CAPN5: variants seen among roughly 807,000 people sequenced by gnomAD.
CAPN5 encodes the protein calpain 5, also known as calpain-5.
Under a neutral mutation model 73.0 loss-of-function variants are expected in CAPN5, and 54 were observed. That is an observed-to-expected ratio of 0.74 (90% CI 0.59 to 0.93). CAPN5 has a LOEUF of 0.93. Among genes scored for constraint, CAPN5 ranks in the 40% least tolerant of loss-of-function variants. The pLI is 0.00. For synonymous variants in CAPN5, 335 were observed against 356.9 expected (o/e 0.94, Z 0.69); for missense variants, 785 against 882.9 (o/e 0.89, Z 1.41).
chr11:77,097,925 C>T (rs1290070118), intron 3 of CAPN5, among the ~76,000 whole-genome samples: 2 of 78,060 alleles, frequency 2.6e-5, no homozygotes, highest in Non-Finnish European at 4.7e-5. Flanking sequence ...CCACCTTTCC[C>T]GCCTTTCTAT....
chr11:77,073,070 G>T (rs547099432), intron 1 of CAPN5: 4 of 1,289,490 alleles, frequency 3.1e-6, no homozygotes, highest in Non-Finnish European at 3.0e-6. Flanking sequence ...GCACAGGGAC[G>T]CCCAGCTGTA....
intron 1 of CAPN5, among the ~76,000 whole-genome samples, chr11:77,078,230 C>T (rs1949993355): frequency 6.6e-6 from 1 of 152,160 alleles, no homozygotes; most frequent in Admixed American, 6.5e-5. Flanking sequence ...CCGTTTGAGT[C>T]AATGTTTGCA....
At chr11:77,087,396 G>A (rs1376533763) in intron 2 of CAPN5, among the ~76,000 whole-genome samples, 4 of 152,164 alleles carry the variant, frequency 2.6e-5, no homozygotes, top group Non-Finnish European at 5.9e-5. Flanking sequence ...ACCTGTGACC[G>A]CCTGTTTACA....
At chr11:77,082,082 C>G (rs1555034700) in intron 1 of CAPN5, among the ~76,000 whole-genome samples, 1 of 152,070 alleles carries the variant, frequency 6.6e-6, no homozygotes, top group Non-Finnish European at 1.5e-5. Context: ...GCAGACAAGT[C>G]ATGTGCAGAT....
chr11:77,112,911 G>A, intron 4 of CAPN5, 114 bp downstream of exon 4: 3 of 989,270 alleles, frequency 3.0e-6, no homozygotes, highest in Admixed American at 2.1e-5. Flanking sequence ...TGAGGGGCTG[G>A]TGCAGGCACG....
chr11:77,083,959 C>T (rs774630200), intron 1 of CAPN5, among the ~76,000 whole-genome samples: 15 of 152,218 alleles, frequency 9.9e-5, no homozygotes, highest in Non-Finnish European at 1.5e-4. Flanking sequence ...CACTGTTACC[C>T]TGGGCAGGCC....
chr11:77,118,895 C>G, intron 8 of CAPN5, 135 bp from the exon 9 acceptor site: 1 of 979,122 alleles, frequency 1.0e-6, no homozygotes, highest in Non-Finnish European at 1.5e-6. Context: ...GCCCACCTCA[C>G]AGCAGAGGGA....
intron 1 of CAPN5, among the ~76,000 whole-genome samples, chr11:77,072,016 A>G (rs1198262144): frequency 6.6e-6 from 1 of 152,142 alleles, no homozygotes; most frequent in African/African-American, 2.4e-5. Context: ...GGGCCTGCCT[A>G]TAGCCTGGCC....
chr11:77,085,189 T>A, intron 2 of CAPN5, 138 bp downstream of exon 2: 2 of 727,964 alleles, frequency 2.7e-6, no homozygotes, highest in Non-Finnish European at 4.6e-6. Context: ...GCTGAAACGG[T>A]GGGATTTGAT....
At chr11:77,083,683 C>G (rs1292699833) in intron 1 of CAPN5, among the ~76,000 whole-genome samples, 4 of 152,214 alleles carry the variant, frequency 2.6e-5, no homozygotes, top group African/African-American at 9.6e-5. Context: ...CACTGGCATG[C>G]TTGGCGGGCT....
intron 3 of CAPN5, among the ~76,000 whole-genome samples, chr11:77,099,739 G>C (rs1156641059): frequency 6.7e-6 from 1 of 148,602 alleles, no homozygotes; most frequent in Non-Finnish European, 1.5e-5. Flanking sequence ...GAGAGGGAGA[G>C]GGAGAGGGAG....
At chr11:77,087,146 A>G (rs1950096126) in intron 2 of CAPN5, among the ~76,000 whole-genome samples, 1 of 152,242 alleles carries the variant, frequency 6.6e-6, no homozygotes. Flanking sequence ...TGGATGGTCC[A>G]CGGCACTGCC....
At chr11:77,104,590 C>T (rs1158807790) in intron 3 of CAPN5, among the ~76,000 whole-genome samples, 2 of 152,260 alleles carry the variant, frequency 1.3e-5, no homozygotes, top group Non-Finnish European at 2.9e-5. Context: ...CTCTTAGCCT[C>T]ATTCCCCTTC....
At chr11:77,088,361 C>T (rs1179234060) in intron 2 of CAPN5, among the ~76,000 whole-genome samples, 1 of 152,136 alleles carries the variant, frequency 6.6e-6, no homozygotes, top group East Asian at 1.9e-4. Context: ...ACAGAACAGT[C>T]AGTTTGCAGC....
intron 7 of CAPN5, 62 bp from the exon 8 acceptor site, chr11:77,118,095 G>T: frequency 6.8e-7 from 1 of 1,480,302 alleles, no homozygotes; most frequent in South Asian, 1.3e-5. Flanking sequence ...TGTTGGGCTG[G>T]GGGGCCAAGA....
chr11:77,123,938 T>C lies in CAPN5; in HGVS notation c.*68T>C. ...TGCATGTCCCCACTGGGCCTGAGTCTAGCCTGGGAGCCAGGATACTGGGGT... is the reference window on the plus strand; with the variant it reads ...TGCATGTCCCCACTGGGCCTGAGTCCAGCCTGGGAGCCAGGATACTGGGGT... On this transcript the variant is annotated 3_prime_UTR_variant, in exon 13 of 13. Coordinates refer to ENST00000648180, the MANE Select transcript of CAPN5 (RefSeq NM_004055.5). The C allele has an allele frequency of 6.7e-7, 1 of 1,483,180 alleles. No individual in the cohort carries two copies. The highest frequency in any genetic ancestry group is 9.3e-7 in the Non-Finnish European group (1 of 1,080,628). 91.9% of individuals were successfully genotyped at this position (1,483,180 alleles called of 1,614,324 possible).
At chr11:77,105,387 CCTGA>C (rs1280206364) in intron 3 of CAPN5, among the ~76,000 whole-genome samples, 17 of 152,146 alleles carry the variant, frequency 1.1e-4, no homozygotes, top group African/African-American at 3.1e-4. Context: ...AGCCTCCGGC[CCTGA>C]CTGTTTCTCT....
rs569122395 is a variant in CAPN5 at position 77,121,921 on chromosome 11, C to T, written c.1488-13C>T. ...TCTCCATCACTCCCCTCTCCCCTGC[C>T]GCCCCATATCAGGGAGCTGCGCCTG... is the stretch of plus-strand genomic sequence containing the variant. On this transcript the variant is annotated splice_polypyrimidine_tract_variant and intron_variant, in intron 10 of 12. Coordinates refer to ENST00000648180, the MANE Select transcript of CAPN5 (RefSeq NM_004055.5). 78 of 1,490,988 alleles carry T rather than the reference C, an allele frequency of 5.2e-5. No individual in the cohort carries two copies. The Middle Eastern group carries it at 6.9e-4, about 13-fold the overall frequency. The allele number at this position is 1,490,988 out of a possible 1,614,324, so 92.4% of individuals were successfully genotyped here. A position where few individuals can be genotyped will look rare whatever the true frequency, so the allele number is the denominator to read the frequency against.
chr11:77,114,934 A>AT (rs1166064740), intron 5 of CAPN5, among the ~76,000 whole-genome samples: 6 of 152,156 alleles, frequency 3.9e-5, no homozygotes, highest in African/African-American at 1.4e-4. Flanking sequence ...ATGGTGGCAC[A>AT]TGCCTGTAAT....
Sources: gnomAD v4.1 joint callset for allele counts (sites outside exome capture counted in the v4.1 genomes callset) on GRCh38, gnomAD v4.1.1 for gene constraint, MANE v1.5 for transcripts, NCBI Gene and HGNC (gene_info 2026-07-23, HGNC 2026-07-21) for gene names.